Variants in ST7 observed in about 807,000 individuals in gnomAD.
ST7 encodes the protein suppression of tumorigenicity 7, also known as suppressor of tumorigenicity 7 protein.
ST7 carries 28 observed loss-of-function variants against 78.7 expected under a neutral mutation model. The observed-to-expected ratio is 0.36, with a 90% CI of 0.26 to 0.49. The LOEUF (loss-of-function observed/expected upper bound fraction) is 0.49, where lower values mean the gene tolerates loss of function less well. Among genes scored for constraint, ST7 ranks in the 20% least tolerant of loss-of-function variants. The pLI, the probability that ST7 is intolerant of heterozygous loss-of-function variation, is 0.99. For synonymous variants in ST7, 247 were observed against 249.6 expected (o/e 0.99, Z 0.10); for missense variants, 418 against 696.0 (o/e 0.60, Z 4.49).
chr7:117,097,060 A>G (rs368826359), intron 1 of ST7, among the ~76,000 whole-genome samples: 305 of 151,624 alleles, frequency 2.0e-3, no homozygotes, highest in South Asian at 0.017. Context: ...TTTTTTTTTC[A>G]CTTACTGATT....
intron 9 of ST7, chr7:117,146,166 T>G (rs896230282): frequency 3.3e-5 from 5 of 152,224 alleles, no homozygotes; most frequent in African/African-American, 4.8e-5. Context: ...AAGTAATTTA[T>G]GCTCATTGTG....
chr7:117,100,545 GTT>G (rs201131686), intron 2 of ST7, among the ~76,000 whole-genome samples: 2 of 151,398 alleles, frequency 1.3e-5, no homozygotes, highest in African/African-American at 4.9e-5. Context: ...ATATAGCTTA[GTT>G]TTTTTTTAAA....
chr7:116,960,382 G>A (rs1398757615), intron 1 of ST7, among the ~76,000 whole-genome samples: 1 of 152,100 alleles, frequency 6.6e-6, no homozygotes, highest in Non-Finnish European at 1.5e-5. Context: ...TAGAGACAGA[G>A]TTCGCCATCT....
Position 117,056,343 on chromosome 7 carries a change from A to T in ST7, c.152-43419A>T, listed in dbSNP as rs185474893. 2.1e-4 allele frequency among the ~76,000 whole-genome samples: 32 copies of T among 152,308 alleles called. No individual in the cohort carries two copies. In the East Asian group the frequency reaches 6.0e-3, roughly 28 times the overall value. The stretch of plus-strand genomic sequence containing the variant: ...TGTGAGAGTTACATGAGATTAAAGA[A>T]GATAAAATAGGCCAGGCATGGTGGC... On this transcript the variant is annotated intron_variant, in intron 1 of 15. Coordinates refer to ENST00000323984, the MANE Select transcript of ST7 (RefSeq NM_001369598.1).
intron 9 of ST7, among the ~76,000 whole-genome samples, chr7:117,152,222 T>TATATATATAC (rs1563124840): frequency 8.5e-6 from 1 of 117,960 alleles, no homozygotes; most frequent in Non-Finnish European, 1.8e-5. Flanking sequence ...TATATATATA[T>TATATATATAC]ACCATGAACA....
intron 1 of ST7, among the ~76,000 whole-genome samples, chr7:117,089,499 A>C (rs2429045): frequency 0.39 from 59,562 of 151,870 alleles, 12,056 homozygotes; most frequent in East Asian, 0.51. Context: ...CAAAACAAAA[A>C]AAAACCTGTG....
At chr7:117,152,010 T>C (rs1325681000) in intron 9 of ST7, among the ~76,000 whole-genome samples, 2 of 151,188 alleles carry the variant, frequency 1.3e-5, no homozygotes, top group African/African-American at 4.9e-5. Context: ...TTCCAGCTAC[T>C]TGGGAGGCTG....
intron 1 of ST7, among the ~76,000 whole-genome samples, chr7:117,025,190 G>A (rs1796125765): frequency 2.0e-5 from 3 of 152,082 alleles, no homozygotes; most frequent in Admixed American, 2.0e-4. Context: ...ATTAAACTTG[G>A]GCCTGTTGTT....
chr7:116,971,477 T>A (rs1282244779), intron 1 of ST7, among the ~76,000 whole-genome samples: 4 of 152,022 alleles, frequency 2.6e-5, no homozygotes, highest in Non-Finnish European at 4.4e-5. Flanking sequence ...AAAAATTTGG[T>A]CTCAGAGTTC....
chr7:117,217,310 A>AAAAAAAAAT (rs1189253766), intron 13 of ST7, among the ~76,000 whole-genome samples: 7 of 151,960 alleles, frequency 4.6e-5, no homozygotes, highest in African/African-American at 1.7e-4. Context: ...CAAAAAAAAA[A>AAAAAAAAAT]ACTTCCCACG....
Position 116,995,176 on chromosome 7 carries a change from T to A in ST7, c.151+41485T>A, listed in dbSNP as rs1049524657. On this transcript the variant is annotated intron_variant, in intron 1 of 15. Transcript: ENST00000323984. ...GACCTAAGTAATACACATAACAAAA[T>A]CTAGTACATAGATGGAAGACAGAAA... 2.6e-5 allele frequency among the ~76,000 whole-genome samples: 4 copies of A among 152,124 alleles called. No individual in the cohort carries two copies. The East Asian group carries it at 7.7e-4, about 29-fold the overall frequency.
chr7:117,165,131 T>C (rs191226721), intron 9 of ST7, among the ~76,000 whole-genome samples: 6 of 152,226 alleles, frequency 3.9e-5, no homozygotes, highest in Non-Finnish European at 8.8e-5. Context: ...AAGGCTAGAA[T>C]TTAATCCTGC....
intron 1 of ST7, among the ~76,000 whole-genome samples, chr7:116,979,928 A>T (rs950770684): frequency 2.2e-4 from 29 of 129,776 alleles, no homozygotes; most frequent in Non-Finnish European, 4.9e-4. Context: ...TATCATGCTC[A>T]TATTCCTTTT....
intron 1 of ST7, chr7:116,956,680 G>C (rs996426034): frequency 2.1e-6 from 1 of 468,394 alleles, no homozygotes; most frequent in African/African-American, 2.0e-5. Flanking sequence ...TCAATATCTT[G>C]ACCATCTGTG....
At chr7:117,044,343 A>G (rs77314864) in intron 1 of ST7, among the ~76,000 whole-genome samples, 6,885 of 152,238 alleles carry the variant, frequency 0.045, 210 homozygotes, top group Non-Finnish European at 0.068. Flanking sequence ...GGTACCTTCT[A>G]GGTGCTTTGT....
rs1050456708 is a variant in ST7, at chr7:116,987,201, C to A, written c.151+33510C>A. Among the ~76,000 whole-genome samples, 5 of 152,134 alleles carry A rather than the reference C, an allele frequency of 3.3e-5. 1 individual carries two copies. The highest frequency in any genetic ancestry group is 1.2e-4 in the African/African-American group (5 of 41,434). On this transcript the variant is annotated intron_variant, in intron 1 of 15. Transcript: ENST00000323984. ...TATTCTCAGTCACCCCAAAGAAGAG[C>A]TATAAGCAGTAAATGAGTACTGGCA...
intron 1 of ST7, among the ~76,000 whole-genome samples, chr7:117,056,177 C>G (rs1161659863): frequency 1.3e-5 from 2 of 152,130 alleles, no homozygotes; most frequent in African/African-American, 4.8e-5. Flanking sequence ...ACAGACACAC[C>G]CAGGATCAAT....
chr7:117,160,653 G>GTGTGTGTATATATATATA (rs150222080), intron 9 of ST7, among the ~76,000 whole-genome samples: 32 of 147,690 alleles, frequency 2.2e-4, no homozygotes, highest in African/African-American at 7.0e-4. Context: ...GTGTGTGTGT[G>GTGTGTGTATATATATATA]TATATATATA....
At chr7:117,031,967 T>C (rs1796622921) in intron 1 of ST7, among the ~76,000 whole-genome samples, 1 of 150,888 alleles carries the variant, frequency 6.6e-6, no homozygotes, top group African/African-American at 2.4e-5. Context: ...CTGCAACTTC[T>C]GCTTCCCAGG....
Sources: gnomAD v4.1 joint callset for allele counts (sites outside exome capture counted in the v4.1 genomes callset) on GRCh38, gnomAD v4.1.1 for gene constraint, MANE v1.5 for transcripts, NCBI Gene and HGNC (gene_info 2026-07-23, HGNC 2026-07-21) for gene names.